Variants in LTBP1 observed in about 807,000 individuals in gnomAD.
LTBP1 encodes the protein latent transforming growth factor beta binding protein 1, also known as latent-transforming growth factor beta-binding protein 1.
A neutral mutation model predicts 207.6 loss-of-function variants in LTBP1; 129 were observed. The ratio of observed to expected loss-of-function variants is 0.62; its 90% CI spans 0.54 to 0.72. LTBP1 has a LOEUF of 0.72. Ranked by LOEUF, LTBP1 falls within the 30% of genes least tolerant of loss-of-function variation. The pLI is 0.00. For synonymous variants in LTBP1, 963 were observed against 833.7 expected, an observed-to-expected ratio of 1.16 and a Z score of -2.67; for missense variants, 2,281 against 2,217.2, an observed-to-expected ratio of 1.03 and a Z score of -0.58.
intron 5 of LTBP1, among the ~76,000 whole-genome samples, chr2:33,178,091 A>C (rs2086243678): frequency 6.6e-6 from 1 of 152,312 alleles, no homozygotes; most frequent in South Asian, 2.1e-4. Context: ...TTGCAGATGG[A>C]GACACTGTAG....
chr2:33,087,881 G>A (rs1262345607), intron 3 of LTBP1, among the ~76,000 whole-genome samples: 1 of 152,148 alleles, frequency 6.6e-6, no homozygotes, highest in African/African-American at 2.4e-5. Context: ...TCCAAAAATT[G>A]GATTTGACTT....
At chr2:33,158,957 T>C (rs1234996394) in intron 5 of LTBP1, among the ~76,000 whole-genome samples, 1 of 152,230 alleles carries the variant, frequency 6.6e-6, no homozygotes, top group African/African-American at 2.4e-5. Flanking sequence ...AGTATAACCA[T>C]GCAATAGGAA....
Position 33,342,382 on chromosome 2 carries a change from C to G in LTBP1, c.3731-456C>G, listed in dbSNP as rs191515460. 1.8e-3 allele frequency among the ~76,000 whole-genome samples: 267 copies of G among 152,276 alleles called. 4 individuals are homozygous for G. In the Middle Eastern group the frequency reaches 0.02, roughly 12 times the overall value. On this transcript the variant is annotated intron_variant, in intron 24 of 33. Transcript: ENST00000404816. ...CCTGAGGATGTTGTGTAGTCTGGAT[C>G]AAGGTTATCCACAAGGTTAAGTAAA...
chr2:33,201,575 A>G (rs563130880), intron 7 of LTBP1, among the ~76,000 whole-genome samples: 1 of 152,032 alleles, frequency 6.6e-6, no homozygotes, highest in Non-Finnish European at 1.5e-5. Flanking sequence ...ACATGTATAC[A>G]TATGTAACTA....
At chr2:33,121,226 G>T (rs7608890) in intron 4 of LTBP1, among the ~76,000 whole-genome samples, 52,774 of 134,844 alleles carry the variant, frequency 0.39, 10,011 homozygotes, top group Middle Eastern at 0.49. Context: ...TTAAGAAAAA[G>T]TCTTGTAGCC....
intron 3 of LTBP1, among the ~76,000 whole-genome samples, chr2:33,106,852 G>T (rs1308923340): frequency 6.6e-6 from 1 of 152,194 alleles, no homozygotes; most frequent in Non-Finnish European, 1.5e-5. Context: ...TTGAAGTCAG[G>T]CATTGACTTC....
intron 9 of LTBP1, among the ~76,000 whole-genome samples, chr2:33,241,234 A>C (rs1254339086): frequency 6.6e-6 from 1 of 152,212 alleles, no homozygotes; most frequent in Non-Finnish European, 1.5e-5. Context: ...TGTTGGTGCC[A>C]GTGCCGGTGG....
At position 33,360,619 on chromosome 2, in the gene LTBP1, A is replaced by G. The variant is rs962653012; in HGVS notation, c.4023A>G (p.Gln1341=). The G allele has an allele frequency of 6.2e-7, 1 of 1,613,508 alleles. No individual in the cohort carries two copies. ...TSTDLDVDVD[Q]PKEEKKECYY... ...TAGATTTAGATGTAGATGTAGATCA[A>G]CCCAAAGAAGAAAAGAAAGAATGCT... The change falls in exon 27 of 34, where the codon CAA becomes CAG. Residue 1341 remains glutamine (Q), a synonymous_variant. Transcript: ENST00000404816.
intron 3 of LTBP1, among the ~76,000 whole-genome samples, chr2:33,097,922 A>G (rs1380749603): frequency 6.6e-6 from 1 of 152,226 alleles, no homozygotes; most frequent in Non-Finnish European, 1.5e-5. Context: ...GTCATTTAAT[A>G]ACCATGTTAA....
chr2:33,353,560 T>A (rs80309988), intron 26 of LTBP1, among the ~76,000 whole-genome samples: 6,485 of 152,244 alleles, frequency 0.043, 178 homozygotes, highest in Non-Finnish European at 0.049. Context: ...GTCCCTTTCA[T>A]AACCCATCCC....
At chr2:33,050,084 T>G (rs973268550) in intron 3 of LTBP1, among the ~76,000 whole-genome samples, 2 of 152,102 alleles carry the variant, frequency 1.3e-5, no homozygotes, top group Non-Finnish European at 2.9e-5. Flanking sequence ...CCTCAAGCGA[T>G]CTTCCTGCCT....
At position 33,257,487 on chromosome 2, in the gene LTBP1, G is replaced by C. The variant is rs201185430; in HGVS notation, c.2371G>C (p.Gly791Arg). 1 of 1,614,094 alleles carries C rather than the reference G, an allele frequency of 6.2e-7. No homozygotes were observed. The highest frequency in any genetic ancestry group is 8.5e-7 in the Non-Finnish European group (1 of 1,179,968). Residue 791 changes from glycine (G) to arginine (R), a missense_variant, in exon 12 of 34, where the codon GGG becomes CGG. Physicochemically the swap from Gly to Arg is moderately radical, Grantham distance 125. Transcript: ENST00000404816. Reference protein sequence around the residue: ...VEALTFSREHGPGVAEPEVAT... With the variant: ...VEALTFSREHRPGVAEPEVAT... ...GGCCCTGACCTTCTCCCGGGAACAC[G>C]GGCCAGGAGTGGCGGAGCCAGAAGG...
At chr2:33,124,274 G>T (rs951819544) in intron 4 of LTBP1, among the ~76,000 whole-genome samples, 3 of 152,184 alleles carry the variant, frequency 2.0e-5, no homozygotes, top group African/African-American at 7.2e-5. Context: ...GCCGGGCATG[G>T]TGCTACATGT....
chr2:33,178,392 C>G (rs1008943422), intron 5 of LTBP1, among the ~76,000 whole-genome samples: 3 of 152,142 alleles, frequency 2.0e-5, no homozygotes, highest in Non-Finnish European at 4.4e-5. Flanking sequence ...GATAAATGAA[C>G]AGGAAGCTAT....
At position 33,393,234 on chromosome 2, in the gene LTBP1, CTTTTTT is replaced by C. The variant is rs569734292; in HGVS notation, c.4835-3879_4835-3874del. Among the ~76,000 whole-genome samples, 114 of 48,772 alleles carry C rather than the reference CTTTTTT, an allele frequency of 2.3e-3. 1 individual carries two copies. The highest frequency in any genetic ancestry group is 7.0e-3 in the African/African-American group (96 of 13,666). The allele number at this position is 48,772 out of a possible 152,430, so 32.0% of individuals were successfully genotyped here. On this transcript the variant is annotated intron_variant, in intron 32 of 33. Transcript: ENST00000404816. ...TAGTGTCTGTTGTTTCCTTCTTCTTCTTTTTTTTTTTTTTTTTTTTTTTTTGTGGTA... is the reference window on the plus strand; with the variant it reads ...TAGTGTCTGTTGTTTCCTTCTTCTTCTTTTTTTTTTTTTTTTTTTGTGGTA...
At chr2:33,084,668 TA>T (rs961294592) in intron 3 of LTBP1, among the ~76,000 whole-genome samples, 1 of 152,196 alleles carries the variant, frequency 6.6e-6, no homozygotes, top group Non-Finnish European at 1.5e-5. Context: ...TTTATTCTTA[TA>T]AAAAACTCCT....
At chr2:33,199,217 G>C (rs1263267200) in intron 7 of LTBP1, among the ~76,000 whole-genome samples, 1 of 152,134 alleles carries the variant, frequency 6.6e-6, no homozygotes, top group East Asian at 1.9e-4. Context: ...TTTTGAGTGA[G>C]TTTCTTAATC....
intron 5 of LTBP1, among the ~76,000 whole-genome samples, chr2:33,152,720 T>C (rs538174769): frequency 6.6e-6 from 1 of 152,342 alleles, no homozygotes; most frequent in Admixed American, 6.5e-5. Context: ...TTCGTGAGCT[T>C]ATTAGCCATT....
chr2:33,063,620 A>G (rs2077366902), intron 3 of LTBP1, among the ~76,000 whole-genome samples: 2 of 152,152 alleles, frequency 1.3e-5, no homozygotes, highest in East Asian at 1.9e-4. Flanking sequence ...CTACATAAAT[A>G]TTAAAAGTTT....
Sources: allele counts gnomAD v4.1 joint callset (sites outside exome capture counted in the v4.1 genomes callset), GRCh38; gene constraint gnomAD v4.1.1; transcripts MANE v1.5; gene names NCBI Gene and HGNC (gene_info 2026-07-23, HGNC 2026-07-21).